TMCO4: variants seen among roughly 807,000 people sequenced by gnomAD.
TMCO4 encodes the protein transmembrane and coiled-coil domain-containing protein 4.
A neutral mutation model predicts 64.7 loss-of-function variants in TMCO4; 58 were observed. The ratio of observed to expected loss-of-function variants is 0.90; its 90% confidence interval spans 0.73 to 1.12. The LOEUF is 1.12. Ranked by LOEUF, TMCO4 falls within the 50% of genes most tolerant of loss-of-function variation. The probability of loss-of-function intolerance (pLI) is 0.00; values close to 1 mark genes in which losing one functional copy is unlikely to be tolerated. For missense variants in TMCO4, 780 were observed against 825.9 expected, an observed-to-expected ratio of 0.94 and a Z score of 0.68; for synonymous variants, 325 against 346.1, an observed-to-expected ratio of 0.94 and a Z score of 0.68.
intron 7 of TMCO4, among the ~76,000 whole-genome samples, chr1:19,750,669 C>T (rs1225589839): frequency 1.3e-5 from 2 of 152,222 alleles, no homozygotes; most frequent in African/African-American, 2.4e-5. Flanking sequence ...CTCTCTCCCC[C>T]TCTAACACTC....
rs2095433259 is a variant in TMCO4 at position 19,732,276 on chromosome 1, A to T, written c.1264+5096T>A. Among the ~76,000 whole-genome samples the T allele has an allele frequency of 6.6e-6, 1 of 152,074 alleles. No homozygotes were observed. The highest frequency in any genetic ancestry group is 2.4e-5 in the African/African-American group (1 of 41,400). On this transcript the variant is annotated intron_variant, in intron 13 of 15. Coordinates refer to ENST00000294543, the MANE Select transcript of TMCO4 (RefSeq NM_181719.7). The surrounding 1 kb of genome is among the most constrained non-coding windows in gnomAD (Gnocchi z 4.8). The stretch of plus-strand genomic sequence containing the variant: ...ATCTTCAACCTCCTGGGCTCAAGTG[A>T]TCCTCCTGCCTCAGCCTCCCAAGTA...
chr1:19,766,008 C>T (rs573206992), intron 6 of TMCO4, among the ~76,000 whole-genome samples: 21 of 152,298 alleles, frequency 1.4e-4, no homozygotes, highest in African/African-American at 4.1e-4. Context: ...GTCGCCCACC[C>T]ATCCTTCTAT....
chr1:19,687,775 T>G (rs2100529547), intron 15 of TMCO4, among the ~76,000 whole-genome samples: 1 of 152,306 alleles, frequency 6.6e-6, no homozygotes, highest in African/African-American at 2.4e-5. Context: ...AAGGGAGGTG[T>G]TGGTACCCAC....
At chr1:19,727,812 C>T (rs572177524) in intron 13 of TMCO4, among the ~76,000 whole-genome samples, 6 of 152,206 alleles carry the variant, frequency 3.9e-5, no homozygotes, top group Non-Finnish European at 5.9e-5. Context: ...CCTAAATGCC[C>T]ATCAATGGTA....
rs1186987926 is a variant in TMCO4, at chr1:19,781,732, C to T, written c.-8-966G>A. On this transcript the variant is annotated intron_variant, in intron 3 of 15. Coordinates refer to ENST00000294543, the MANE Select transcript of TMCO4 (RefSeq NM_181719.7). ...CACGATCTTGGCTCACTGCAAGCTCCGCCTCCTGGGTTCACATCATTCTCC... is the reference window on the plus strand; with the variant it reads ...CACGATCTTGGCTCACTGCAAGCTCTGCCTCCTGGGTTCACATCATTCTCC... 4.0e-5 allele frequency among the ~76,000 whole-genome samples: 6 copies of T among 151,860 alleles called. 1 individual carries two copies. The South Asian group carries it at 1.0e-3, about 26-fold the overall frequency.
rs147263192 is a variant in TMCO4 at position 19,717,659 on chromosome 1, C to T, written c.1265-16774G>A. 9.1e-4 allele frequency among the ~76,000 whole-genome samples: 139 copies of T among 152,290 alleles called. 2 individuals are homozygous for T. The East Asian group carries it at 0.022, about 24-fold the overall frequency. On this transcript the variant is annotated intron_variant, in intron 13 of 15. Coordinates refer to ENST00000294543, the MANE Select transcript of TMCO4 (RefSeq NM_181719.7). ...GACTTTGGGTATTGCCAGTCCTGCG[C>T]CCTCCGGCCTTCTGCCTGCCTCGAA...
At chr1:19,757,155 G>GT (rs1236003599) in intron 6 of TMCO4, among the ~76,000 whole-genome samples, 1 of 124,272 alleles carries the variant, frequency 8.0e-6, no homozygotes, top group South Asian at 2.9e-4. Flanking sequence ...GCCAGGCGTG[G>GT]TGGCGGGGGG....
chr1:19,798,102 G>A (rs1343958058), intron 2 of TMCO4, 35 bp downstream of exon 2: 1 of 155,054 alleles, frequency 6.4e-6, no homozygotes, highest in Non-Finnish European at 1.4e-5. Context: ...AGCGGAGGTC[G>A]GCTAAATGGA....
chr1:19,703,873 C>T (rs956305200), intron 13 of TMCO4, among the ~76,000 whole-genome samples: 1 of 152,148 alleles, frequency 6.6e-6, no homozygotes, highest in African/African-American at 2.4e-5. Flanking sequence ...TCTGAGTTCC[C>T]TCACACACCA....
chr1:19,686,362 A>G (rs1190637050), intron 15 of TMCO4, among the ~76,000 whole-genome samples: 1 of 152,204 alleles, frequency 6.6e-6, no homozygotes. Context: ...AAAGGACAGG[A>G]AAAACACCAG....
intron 13 of TMCO4, among the ~76,000 whole-genome samples, chr1:19,729,108 G>A (rs1165825246): frequency 6.6e-6 from 1 of 152,118 alleles, no homozygotes; most frequent in Non-Finnish European, 1.5e-5. Flanking sequence ...GAGTGAATAA[G>A]ACCTAGTATT....
intron 13 of TMCO4, among the ~76,000 whole-genome samples, chr1:19,733,733 G>C (rs2100805567): frequency 6.6e-6 from 1 of 152,322 alleles, no homozygotes; most frequent in East Asian, 1.9e-4. Flanking sequence ...AAGCAGGGAG[G>C]TATAACAGGG....
At chr1:19,699,011 AC>A (rs2095254324) in intron 14 of TMCO4, among the ~76,000 whole-genome samples, 1 of 152,156 alleles carries the variant, frequency 6.6e-6, no homozygotes, top group South Asian at 2.1e-4. Context: ...CCTGGCTAAC[AC>A]GGTGAAACCC....
intron 13 of TMCO4, among the ~76,000 whole-genome samples, chr1:19,724,707 A>C (rs2095401039): frequency 6.6e-6 from 1 of 152,144 alleles, no homozygotes; most frequent in Non-Finnish European, 1.5e-5. Context: ...TAACTAGTGG[A>C]GTCTGGGTTT....
intron 5 of TMCO4, 45 bp from the exon 6 acceptor site, chr1:19,770,614 A>G (rs2101021005): frequency 6.3e-7 from 1 of 1,586,076 alleles, no homozygotes; most frequent in Non-Finnish European, 8.6e-7. Flanking sequence ...CTGATATACG[A>G]TACAGCGCGC....
chr1:19,758,868 A>G (rs891616204), intron 6 of TMCO4, among the ~76,000 whole-genome samples: 22 of 152,082 alleles, frequency 1.4e-4, no homozygotes, highest in Middle Eastern at 3.2e-3. Context: ...TGGGAGGCCG[A>G]GGTGGGCCAA....
intron 7 of TMCO4, among the ~76,000 whole-genome samples, chr1:19,749,213 T>C (rs1375896260): frequency 1.3e-5 from 2 of 152,236 alleles, no homozygotes; most frequent in African/African-American, 4.8e-5. Context: ...GCTCTGCTGT[T>C]GTGGTAGCTG....
At chr1:19,702,118 C>T (rs1389151745) in intron 13 of TMCO4, among the ~76,000 whole-genome samples, 3 of 151,908 alleles carry the variant, frequency 2.0e-5, no homozygotes, top group Non-Finnish European at 2.9e-5. Flanking sequence ...TATAGGTGCC[C>T]GCCACCACAC....
At chr1:19,714,509 C>T (rs1488838916) in intron 13 of TMCO4, among the ~76,000 whole-genome samples, 1 of 152,100 alleles carries the variant, frequency 6.6e-6, no homozygotes, top group Non-Finnish European at 1.5e-5. Flanking sequence ...TTTCTGCAAC[C>T]TTTCTTCATG....
Sources: gnomAD v4.1 joint callset for allele counts (sites outside exome capture counted in the v4.1 genomes callset) on GRCh38, gnomAD v4.1.1 for gene constraint, Gnocchi (gnomAD v3.1) non-coding constraint, MANE v1.5 for transcripts, NCBI Gene and HGNC (gene_info 2026-07-23, HGNC 2026-07-21) for gene names.